The following FRMD4A variants were observed in gnomAD, a reference collection of about 807,000 sequenced individuals.
FRMD4A encodes FERM domain-containing protein 4A.
Under a neutral mutation model 129.1 loss-of-function variants are expected in FRMD4A, and 29 were observed. The observed-to-expected ratio is 0.22, with a 90% CI of 0.17 to 0.31. FRMD4A has a LOEUF of 0.31. Among genes scored for constraint, FRMD4A ranks in the 10% least tolerant of loss-of-function variants. FRMD4A has a pLI of 1.00. For synonymous variants in FRMD4A, 634 were observed against 571.6 expected, an observed-to-expected ratio of 1.11 and a Z score of -1.56; for missense variants, 1,272 against 1,375.8, an observed-to-expected ratio of 0.92 and a Z score of 1.19.
At chr10:13,651,746 T>C in intron 24 of FRMD4A, 157 bp downstream of exon 24, 1 of 622,160 alleles carries the variant, frequency 1.6e-6, no homozygotes, top group Non-Finnish European at 2.9e-6. Context: ...GTAAGAACCT[T>C]CAGCTAAAAA....
At chr10:14,141,965 C>T (rs916471128) in intron 2 of FRMD4A, among the ~76,000 whole-genome samples, 6 of 151,922 alleles carry the variant, frequency 3.9e-5, no homozygotes, top group African/African-American at 7.3e-5. Context: ...TTTAGGCATC[C>T]GAAAATGTGT....
At chr10:14,244,172 A>G (rs1315532437) in intron 2 of FRMD4A, among the ~76,000 whole-genome samples, 3 of 152,248 alleles carry the variant, frequency 2.0e-5, no homozygotes, top group Non-Finnish European at 4.4e-5. Flanking sequence ...AATCACTTTA[A>G]GAAAAGGCAG....
chr10:13,706,554 C>CG (rs1254782632), intron 13 of FRMD4A, among the ~76,000 whole-genome samples: 2 of 152,156 alleles, frequency 1.3e-5, no homozygotes, highest in Non-Finnish European at 2.9e-5. Context: ...AATAAAACAA[C>CG]GTAGCACAAC....
intron 2 of FRMD4A, among the ~76,000 whole-genome samples, chr10:13,899,588 A>G (rs1251562694): frequency 6.6e-6 from 1 of 152,174 alleles, no homozygotes; most frequent in Non-Finnish European, 1.5e-5. Flanking sequence ...GCTTCAGTCC[A>G]GCAGTTTGAG....
chr10:13,944,803 G>T (rs4335443), intron 2 of FRMD4A, among the ~76,000 whole-genome samples: 29 of 152,280 alleles, frequency 1.9e-4, no homozygotes, highest in Non-Finnish European at 3.5e-4. Context: ...CTAATGATAC[G>T]TGCCTTCTCT....
intron 2 of FRMD4A, among the ~76,000 whole-genome samples, chr10:14,205,896 C>T (rs4750488): frequency 1 from 151,444 of 151,450 alleles, 75,719 homozygotes; most frequent in Non-Finnish European, 1. Flanking sequence ...AGGAGACTTA[C>T]CTGCCTACTC....
intron 2 of FRMD4A, chr10:13,972,199 A>G: frequency 9.8e-7 from 1 of 1,018,304 alleles, no homozygotes; most frequent in Admixed American, 5.0e-5. Flanking sequence ...AGCACCACCG[A>G]GTGTTGGGAT....
At chr10:14,320,274 A>G (rs1308508349) in intron 2 of FRMD4A, among the ~76,000 whole-genome samples, 1 of 152,082 alleles carries the variant, frequency 6.6e-6, no homozygotes, top group Non-Finnish European at 1.5e-5. Context: ...TGCCCCCAAG[A>G]GCATTTGCAA....
At chr10:14,330,239 A>G (rs1178149496) in intron 1 of FRMD4A, 56 bp from the exon 2 acceptor site, 1 of 800,602 alleles carries the variant, frequency 1.2e-6, no homozygotes, top group Non-Finnish European at 2.1e-6. Flanking sequence ...CAAGGGGAAG[A>G]TAGGCCACCT....
intron 12 of FRMD4A, among the ~76,000 whole-genome samples, chr10:13,725,896 G>A (rs190763084): frequency 3.9e-5 from 6 of 152,328 alleles, no homozygotes; most frequent in Non-Finnish European, 7.3e-5. Context: ...TATTCAAGAT[G>A]GAGAAAATTA....
intron 2 of FRMD4A, among the ~76,000 whole-genome samples, chr10:14,090,011 A>T (rs1198318842): frequency 1.3e-5 from 2 of 152,242 alleles, no homozygotes; most frequent in South Asian, 4.1e-4. Flanking sequence ...TCTAGAATGG[A>T]TGGCAGCACT....
chr10:14,094,582 G>C (rs1836843200), intron 2 of FRMD4A, among the ~76,000 whole-genome samples: 1 of 152,094 alleles, frequency 6.6e-6, no homozygotes, highest in East Asian at 1.9e-4. Flanking sequence ...AGAGAGGTGG[G>C]CATGGTACTG....
At chr10:13,964,815 G>GTCAA (rs2095474523) in intron 2 of FRMD4A, among the ~76,000 whole-genome samples, 1 of 151,596 alleles carries the variant, frequency 6.6e-6, no homozygotes, top group African/African-American at 2.4e-5. Flanking sequence ...CAGCCTCCTG[G>GTCAA]GTAGCTGGGC....
chr10:14,284,648 G>T (rs141815351), intron 2 of FRMD4A, among the ~76,000 whole-genome samples: 1 of 152,090 alleles, frequency 6.6e-6, no homozygotes, highest in Non-Finnish European at 1.5e-5. Context: ...GGGAAACTCC[G>T]TCTCAAACAA....
chr10:14,270,285 G>C (rs530793776), intron 2 of FRMD4A, among the ~76,000 whole-genome samples: 1 of 152,098 alleles, frequency 6.6e-6, no homozygotes, highest in Non-Finnish European at 1.5e-5. Context: ...ATTCCTTCTC[G>C]TCTCTCTCCC....
chr10:13,761,638 T>A lies in FRMD4A; in HGVS notation c.464+9A>T. On this transcript the variant is annotated intron_variant, in intron 8 of 24. Transcript: ENST00000357447. The stretch of plus-strand genomic sequence containing the variant: ...TTTAAACAACACAACAACAAAATTG[T>A]AAACTTACCTAGAAAAATCTCCCTT... 6.3e-7 allele frequency: 1 copy of A among 1,599,942 alleles called. No homozygotes were observed. The highest frequency in any genetic ancestry group is 8.5e-7 in the Non-Finnish European group (1 of 1,169,946).
intron 2 of FRMD4A, among the ~76,000 whole-genome samples, chr10:14,125,618 A>G (rs894007893): frequency 6.6e-6 from 1 of 152,210 alleles, no homozygotes; most frequent in Non-Finnish European, 1.5e-5. Flanking sequence ...TGACCTCCAC[A>G]ATGCTGGAGC....
At chr10:13,983,473 C>T (rs971990620) in intron 2 of FRMD4A, among the ~76,000 whole-genome samples, 4 of 151,734 alleles carry the variant, frequency 2.6e-5, no homozygotes, top group African/African-American at 7.3e-5. Flanking sequence ...CTTGATTGTT[C>T]GAGTCATCAA....
At chr10:13,759,369 C>G (rs1464698587) in intron 8 of FRMD4A, among the ~76,000 whole-genome samples, 1 of 152,226 alleles carries the variant, frequency 6.6e-6, no homozygotes, top group East Asian at 1.9e-4. Context: ...GAGGCCAAGC[C>G]TGCACTTCCT....
Sources: gnomAD v4.1 joint callset for allele counts (sites outside exome capture counted in the v4.1 genomes callset) on GRCh38, gnomAD v4.1.1 for gene constraint, MANE v1.5 for transcripts, NCBI Gene and HGNC (gene_info 2026-07-23, HGNC 2026-07-21) for gene names.